Variants in PCDH15 observed in about 807,000 individuals in gnomAD.
The protein encoded by PCDH15 is protocadherin-15.
PCDH15 carries 129 observed loss-of-function variants against 178.5 expected under a neutral mutation model. The observed-to-expected ratio is 0.72, with a 90% CI of 0.63 to 0.84. PCDH15 has a LOEUF of 0.84. Ranked by LOEUF, PCDH15 falls within the 40% of genes least tolerant of loss-of-function variation. The pLI, the probability that PCDH15 is intolerant of heterozygous loss-of-function variation, is 0.00. For missense variants in PCDH15, 2,230 were observed against 2,099.9 expected, an observed-to-expected ratio of 1.06 and a Z score of -1.21; for synonymous variants, 800 against 732.0, an observed-to-expected ratio of 1.09 and a Z score of -1.50.
chr10:55,358,660 C>T (rs1229190222), intron 2 of PCDH15, among the ~76,000 whole-genome samples: 3 of 152,014 alleles, frequency 2.0e-5, no homozygotes, highest in African/African-American at 4.8e-5. Flanking sequence ...TAAATATTCC[C>T]ATTTTGCAGT....
intron 23 of PCDH15, among the ~76,000 whole-genome samples, chr10:53,943,613 A>C (rs2086269538): frequency 6.6e-6 from 1 of 152,178 alleles, no homozygotes; most frequent in Non-Finnish European, 1.5e-5. Flanking sequence ...AATAATACTA[A>C]AAAAAGTAAT....
At chr10:55,231,534 A>G (rs1841223733) in intron 1 of PCDH15, among the ~76,000 whole-genome samples, 1 of 152,054 alleles carries the variant, frequency 6.6e-6, no homozygotes, top group Non-Finnish European at 1.5e-5. Context: ...CTAAAACAAA[A>G]TTGGCAATCT....
intron 13 of PCDH15, among the ~76,000 whole-genome samples, chr10:54,169,398 G>A (rs1339751838): frequency 2.2e-5 from 3 of 133,498 alleles, no homozygotes; most frequent in Non-Finnish European, 3.3e-5. Context: ...AACTGTTGTG[G>A]GTATTGACGG....
At chr10:54,157,592 T>C (rs993532084) in intron 13 of PCDH15, among the ~76,000 whole-genome samples, 1 of 152,208 alleles carries the variant, frequency 6.6e-6, no homozygotes, top group African/African-American at 2.4e-5. Context: ...TGACATGCCC[T>C]GGAGATATTT....
chr10:54,681,252 A>C (rs75467684), intron 1 of PCDH15, among the ~76,000 whole-genome samples: 3,492 of 152,260 alleles, frequency 0.023, 140 homozygotes, highest in African/African-American at 0.078. Flanking sequence ...TAAAGTTTGA[A>C]ATATCTATTA....
At chr10:54,255,819 T>A (rs185513284) in intron 8 of PCDH15, among the ~76,000 whole-genome samples, 1 of 152,200 alleles carries the variant, frequency 6.6e-6, no homozygotes. Context: ...TCCTGGGGAT[T>A]TACAACCCTG....
intron 8 of PCDH15, among the ~76,000 whole-genome samples, chr10:54,314,130 TACACACACACACACAC>T (rs58949602): frequency 2.0e-5 from 3 of 149,716 alleles, no homozygotes; most frequent in South Asian, 4.3e-4. Flanking sequence ...TAATTGGAAG[TACACACACACACACAC>T]ACACACACAC....
At chr10:54,232,288 C>A (rs745679533) in intron 9 of PCDH15, among the ~76,000 whole-genome samples, 2 of 152,144 alleles carry the variant, frequency 1.3e-5, no homozygotes, top group Non-Finnish European at 2.9e-5. Flanking sequence ...GCTCTGGCCA[C>A]GTAAGATGCG....
chr10:55,017,359 G>C (rs927879099), intron 2 of PCDH15, among the ~76,000 whole-genome samples: 1 of 152,104 alleles, frequency 6.6e-6, no homozygotes, highest in Non-Finnish European at 1.5e-5. Flanking sequence ...ACTAATGGGA[G>C]TGTATTATGT....
chr10:54,104,794 G>A (rs1440242796), intron 15 of PCDH15, among the ~76,000 whole-genome samples: 5 of 141,512 alleles, frequency 3.5e-5, no homozygotes, highest in South Asian at 2.3e-4. Flanking sequence ...CCAAGATCGC[G>A]CCACTGCACT....
intron 1 of PCDH15, among the ~76,000 whole-genome samples, chr10:55,209,076 A>G (rs1201548597): frequency 6.6e-6 from 1 of 152,140 alleles, no homozygotes; most frequent in East Asian, 1.9e-4. Context: ...TGAGATAGAA[A>G]CAAATCATAT....
At chr10:54,247,721 G>A (rs73252372) in intron 8 of PCDH15, among the ~76,000 whole-genome samples, 5,203 of 151,650 alleles carry the variant, frequency 0.034, 324 homozygotes, top group African/African-American at 0.12. Context: ...AACAAAATAT[G>A]CCAAGCTTGC....
intron 2 of PCDH15, among the ~76,000 whole-genome samples, chr10:55,008,618 TA>T (rs982877117): frequency 6.6e-6 from 1 of 152,018 alleles, no homozygotes; most frequent in Non-Finnish European, 1.5e-5. Context: ...TCAAAGTCAT[TA>T]AAAATGTCAT....
Position 53,806,504 on chromosome 10 carries a change from T to C in PCDH15, c.*75A>G, listed in dbSNP as rs1841168916. On this transcript the variant is annotated 3_prime_UTR_variant, in exon 38 of 38. Coordinates refer to ENST00000644397, the MANE Select transcript of PCDH15 (RefSeq NM_001384140.1). ...ATGATATAAATTCCATACATTGTTTTCTCAGTGACAATAAAAAGCACAGTT... is the reference window on the plus strand; with the variant it reads ...ATGATATAAATTCCATACATTGTTTCCTCAGTGACAATAAAAAGCACAGTT... 8.1e-6 allele frequency: 10 copies of C among 1,237,010 alleles called. No individual in the cohort carries two copies. Among genetic ancestry groups the C allele is most frequent in the Non-Finnish European group, 8.9e-6 (8 of 898,952 alleles). The allele number at this position is 1,237,010 out of a possible 1,614,324, so 76.6% of individuals were successfully genotyped here. A position where few individuals can be genotyped will look rare whatever the true frequency, so the allele number is the denominator to read the frequency against.
intron 2 of PCDH15, among the ~76,000 whole-genome samples, chr10:55,086,680 A>T (rs765103659): frequency 2.6e-5 from 4 of 152,102 alleles, no homozygotes; most frequent in Non-Finnish European, 4.4e-5. Context: ...ACTCCATGGA[A>T]TTCTGTGAAC....
Position 54,485,965 on chromosome 10 carries a change from T to G in PCDH15, c.157+41847A>C, listed in dbSNP as rs183034561. ...GATCTCTAACAGTTTTATGAAAAGA[T>G]GTTTAAGTAACTTTTCAGTGGCATC... On this transcript the variant is annotated intron_variant, in intron 3 of 37. Coordinates refer to ENST00000644397, the MANE Select transcript of PCDH15 (RefSeq NM_001384140.1). 2.0e-5 allele frequency among the ~76,000 whole-genome samples: 3 copies of G among 151,160 alleles called. No individual in the cohort carries two copies. In the East Asian group the frequency reaches 5.9e-4, roughly 30 times the overall value.
At chr10:55,368,348 T>C (rs1992822) in intron 2 of PCDH15, among the ~76,000 whole-genome samples, 83,928 of 151,942 alleles carry the variant, frequency 0.55, 23,719 homozygotes, top group African/African-American at 0.65. Context: ...ACTACAAATA[T>C]ACACACAGCC....
At chr10:54,959,739 A>G (rs1367441896) in intron 2 of PCDH15, among the ~76,000 whole-genome samples, 5 of 152,140 alleles carry the variant, frequency 3.3e-5, no homozygotes, top group Non-Finnish European at 7.4e-5. Flanking sequence ...ATAGTGTGGA[A>G]GACACAAAGA....
intron 2 of PCDH15, among the ~76,000 whole-genome samples, chr10:54,960,537 T>C (rs1253725050): frequency 1.3e-5 from 2 of 152,212 alleles, no homozygotes; most frequent in African/African-American, 2.4e-5. Flanking sequence ...TGAGTTCCCA[T>C]GTGATTTATG....
Sources: allele counts gnomAD v4.1 joint callset (sites outside exome capture counted in the v4.1 genomes callset), GRCh38; gene constraint gnomAD v4.1.1; transcripts MANE v1.5; gene names NCBI Gene and HGNC (gene_info 2026-07-23, HGNC 2026-07-21).